ERC1: variants seen among roughly 807,000 people sequenced by gnomAD.
ERC1 encodes RAB6 interacting protein 2.
A neutral mutation model predicts 132.0 loss-of-function variants in ERC1; 56 were observed. That is an observed-to-expected ratio of 0.42 (90% CI 0.34 to 0.53). The LOEUF is 0.53. Among genes scored for constraint, ERC1 ranks in the 20% least tolerant of loss-of-function variants. The pLI is 0.03. For missense variants in ERC1, 1,202 were observed against 1,349.9 expected (o/e 0.89, Z 1.72); for synonymous variants, 478 against 476.1 (o/e 1.00, Z -0.05).
intron 2 of ERC1, among the ~76,000 whole-genome samples, chr12:1,054,428 A>C (rs758817829): frequency 2.6e-5 from 4 of 151,938 alleles, no homozygotes; most frequent in Non-Finnish European, 4.4e-5. Context: ...ATTCTTCCCT[A>C]CCGCACCCCC....
chr12:1,104,439 A>T (rs1232276222), intron 3 of ERC1, among the ~76,000 whole-genome samples: 1 of 152,204 alleles, frequency 6.6e-6, no homozygotes, highest in African/African-American at 2.4e-5. Flanking sequence ...TCCCGGAGTT[A>T]TGTGGAAGAT....
At chr12:1,461,855 G>C (rs2154422029) in intron 18 of ERC1, among the ~76,000 whole-genome samples, 1 of 152,064 alleles carries the variant, frequency 6.6e-6, no homozygotes, top group Non-Finnish European at 1.5e-5. Context: ...GAACAAAATG[G>C]TAAATAGGAC....
At chr12:1,049,194 A>G (rs1436514333) in intron 2 of ERC1, among the ~76,000 whole-genome samples, 1 of 152,214 alleles carries the variant, frequency 6.6e-6, no homozygotes, top group Non-Finnish European at 1.5e-5. Flanking sequence ...CATTACCGTC[A>G]TTGATACTGG....
Position 1,493,542 on chromosome 12 carries a change from AAAAAAAATATATATATAT to A in ERC1, c.*3314_*3331del, listed in dbSNP as rs1407705210. 11 of 23,482 alleles carry A rather than the reference AAAAAAAATATATATATAT, an allele frequency of 4.7e-4. 1 individual carries two copies. The East Asian group carries it at 7.0e-3, about 15-fold the overall frequency. The allele number at this position is 23,482 out of a possible 1,614,324, so 1.5% of individuals were successfully genotyped here. On this transcript the variant is annotated 3_prime_UTR_variant, in exon 19 of 19. Transcript: ENST00000360905. ...ACAGAGACTCCATTTAAAAAAAAAAAAAAAAAATATATATATATATATATATATATATATATGGATGGG... is the reference window on the plus strand; with the variant it reads ...ACAGAGACTCCATTTAAAAAAAAAAAATATATATATATATATATGGATGGG...
At chr12:1,052,242 C>T (rs984411984) in intron 2 of ERC1, among the ~76,000 whole-genome samples, 19 of 152,170 alleles carry the variant, frequency 1.2e-4, no homozygotes, top group African/African-American at 4.6e-4. Flanking sequence ...TTGAAACACT[C>T]ATCTAGTTAA....
At chr12:1,275,625 TTGA>T (rs1365618174) in intron 14 of ERC1, among the ~76,000 whole-genome samples, 6 of 152,110 alleles carry the variant, frequency 3.9e-5, no homozygotes, top group African/African-American at 1.4e-4. Context: ...CAATTGCATG[TTGA>T]TGATGAGGGA....
chr12:1,287,033 GATA>G (rs1258073148), intron 14 of ERC1, among the ~76,000 whole-genome samples: 1 of 152,080 alleles, frequency 6.6e-6, no homozygotes, highest in African/African-American at 2.4e-5. Flanking sequence ...CTTATAAAGT[GATA>G]ATAATTAAGA....
At chr12:1,277,792 C>T (rs1015188222) in intron 14 of ERC1, among the ~76,000 whole-genome samples, 2 of 152,240 alleles carry the variant, frequency 1.3e-5, no homozygotes, top group Admixed American at 1.3e-4. Context: ...AAAGATACTT[C>T]ATTTTTAAAA....
intron 15 of ERC1, among the ~76,000 whole-genome samples, chr12:1,304,876 GCC>G (rs1566540116): frequency 3.1e-5 from 4 of 130,942 alleles, no homozygotes. Context: ...TGCAAGCTCC[GCC>G]TCCCGGGTTG....
At chr12:1,035,749 C>T (rs150488487) in intron 2 of ERC1, among the ~76,000 whole-genome samples, 13,993 of 151,840 alleles carry the variant, frequency 0.092, 987 homozygotes, top group African/African-American at 0.19. Context: ...GGTGAAACCC[C>T]GTCTCTACTA....
rs544631671 is a variant in ERC1 at position 1,451,051 on chromosome 12, T to C, written c.3213+6301T>C. On this transcript the variant is annotated intron_variant, in intron 18 of 18. Transcript: ENST00000360905. ...TTTAGAAGTTCTCTACATAGTTAGA[T>C]AGTTATCCCTAATCAGATATACGAT... 1.3e-3 allele frequency among the ~76,000 whole-genome samples: 204 copies of C among 152,262 alleles called. 1 individual carries two copies. Among genetic ancestry groups the C allele is most frequent in the Non-Finnish European group, 2.0e-3 (139 of 68,014 alleles).
intron 15 of ERC1, among the ~76,000 whole-genome samples, chr12:1,313,465 G>A (rs1007263196): frequency 3.3e-5 from 5 of 151,936 alleles, no homozygotes; most frequent in African/African-American, 7.3e-5. Flanking sequence ...GTTCAGAAAC[G>A]TGTTATAACT....
At chr12:1,450,805 C>T (rs1485783932) in intron 18 of ERC1, among the ~76,000 whole-genome samples, 2 of 152,202 alleles carry the variant, frequency 1.3e-5, no homozygotes, top group African/African-American at 4.8e-5. Flanking sequence ...CCGGCCAACA[C>T]TTGTTATTTT....
chr12:1,309,176 A>G (rs933705671), intron 15 of ERC1, among the ~76,000 whole-genome samples: 1 of 151,504 alleles, frequency 6.6e-6, no homozygotes, highest in Non-Finnish European at 1.5e-5. Flanking sequence ...GCTTGAATAG[A>G]CTAAGATACA....
intron 2 of ERC1, among the ~76,000 whole-genome samples, chr12:1,072,966 TACAGGCGTGAGCC>T (rs1940671110): frequency 6.6e-6 from 1 of 152,104 alleles, no homozygotes; most frequent in African/African-American, 2.4e-5. Context: ...GTGCTGGGAT[TACAGGCGTGAGCC>T]ACTGTGTCCA....
chr12:1,242,559 A>C (rs1312690563), intron 13 of ERC1, among the ~76,000 whole-genome samples: 1 of 152,232 alleles, frequency 6.6e-6, no homozygotes, highest in African/African-American at 2.4e-5. Flanking sequence ...TCTTTATTGT[A>C]TTCACCTATA....
At chr12:1,159,924 G>C (rs1414126174) in intron 8 of ERC1, among the ~76,000 whole-genome samples, 1 of 152,250 alleles carries the variant, frequency 6.6e-6, no homozygotes, top group East Asian at 1.9e-4. Context: ...GATGTAATGT[G>C]TATGAAATCA....
rs2077904188 is a variant in ERC1 at position 1,272,160 on chromosome 12, G to C, written c.2619+8995G>C. Among the ~76,000 whole-genome samples the C allele has an allele frequency of 2.6e-5, 4 of 152,200 alleles. No homozygotes were observed. The South Asian group carries it at 8.3e-4, about 31-fold the overall frequency. On this transcript the variant is annotated intron_variant, in intron 14 of 18. Coordinates refer to ENST00000360905, the MANE Select transcript of ERC1 (RefSeq NM_178040.4). ...AGTTCCCCGAGCTGTAAAAGAAATA[G>C]TTACTACATCTGCCACATTAAAGAG...
chr12:1,448,043 A>T (rs1475660344), intron 18 of ERC1, among the ~76,000 whole-genome samples: 1 of 152,238 alleles, frequency 6.6e-6, no homozygotes, highest in Admixed American at 6.5e-5. Flanking sequence ...AGGGGAAAAA[A>T]AAATCTTCAG....
Sources: allele counts gnomAD v4.1 joint callset (sites outside exome capture counted in the v4.1 genomes callset), GRCh38; gene constraint gnomAD v4.1.1; transcripts MANE v1.5; gene names NCBI Gene and HGNC (gene_info 2026-07-23, HGNC 2026-07-21).